Variants in SGCZ observed in about 807,000 individuals in gnomAD.
SGCZ encodes the protein zeta-sarcoglycan.
Under a neutral mutation model 41.3 loss-of-function variants are expected in SGCZ, and 40 were observed. That is an observed-to-expected ratio of 0.97 (90% confidence interval 0.75 to 1.26). The LOEUF (loss-of-function observed/expected upper bound fraction) is 1.26. Among genes scored for constraint, SGCZ ranks in the 50% most tolerant of loss-of-function variants. SGCZ has a pLI of 0.00. For missense variants in SGCZ, 552 were observed against 369.8 expected, an observed-to-expected ratio of 1.49 and a Z score of -4.04; for synonymous variants, 206 against 137.5, an observed-to-expected ratio of 1.50 and a Z score of -3.49.
chr8:14,343,200 C>A (rs992275785), intron 2 of SGCZ, among the ~76,000 whole-genome samples: 1 of 152,222 alleles, frequency 6.6e-6, no homozygotes, highest in African/African-American at 2.4e-5. Flanking sequence ...GCAGGGCCCT[C>A]ATGGAGAACC....
chr8:14,309,048 C>T lies in SGCZ; in HGVS notation c.336+15055G>A, dbSNP rs1002932106. The stretch of plus-strand genomic sequence containing the variant: ...AAAATGAAACCGGAAGCCTCCCCTA[C>T]TCTTAATTCCCCAACTACAGAAGAG... On this transcript the variant is annotated intron_variant, in intron 3 of 7. Coordinates refer to ENST00000382080, the MANE Select transcript of SGCZ (RefSeq NM_139167.4). 2.8e-5 allele frequency: 38 copies of T among 1,347,908 alleles called. No homozygotes were observed. The Middle Eastern group carries it at 8.1e-4, about 29-fold the overall frequency. 83.5% of individuals were successfully genotyped at this position (1,347,908 alleles called of 1,614,324 possible).
At chr8:15,010,849 C>T (rs575212050) in intron 1 of SGCZ, among the ~76,000 whole-genome samples, 17 of 152,262 alleles carry the variant, frequency 1.1e-4, no homozygotes, top group East Asian at 3.9e-4. Context: ...CTAAGAAACA[C>T]GACGTGCCAA....
chr8:14,193,052 A>T (rs1377209045), intron 4 of SGCZ, among the ~76,000 whole-genome samples: 1 of 151,902 alleles, frequency 6.6e-6, no homozygotes, highest in Non-Finnish European at 1.5e-5. Flanking sequence ...TTTCCCAAAG[A>T]TGTGTCTATG....
intron 2 of SGCZ, among the ~76,000 whole-genome samples, chr8:14,494,127 A>G (rs1333593493): frequency 6.6e-6 from 1 of 152,162 alleles, no homozygotes; most frequent in Non-Finnish European, 1.5e-5. Flanking sequence ...TATCCTCCCA[A>G]CTCACTGTTT....
chr8:15,008,198 G>A (rs1380707168), intron 1 of SGCZ, among the ~76,000 whole-genome samples: 1 of 152,032 alleles, frequency 6.6e-6, no homozygotes, highest in Non-Finnish European at 1.5e-5. Context: ...CTGGAGGCAT[G>A]TCCTCTTGGA....
intron 2 of SGCZ, among the ~76,000 whole-genome samples, chr8:14,349,343 G>C (rs1004015904): frequency 4.0e-5 from 6 of 151,856 alleles, no homozygotes; most frequent in Non-Finnish European, 8.8e-5. Context: ...AGAAGACATG[G>C]GTAGTTCCCC....
At chr8:15,192,173 G>C (rs1348931526) in intron 1 of SGCZ, among the ~76,000 whole-genome samples, 1 of 151,968 alleles carries the variant, frequency 6.6e-6, no homozygotes, top group East Asian at 1.9e-4. Context: ...CTTTATTCAT[G>C]TAAAATTTTG....
intron 1 of SGCZ, among the ~76,000 whole-genome samples, chr8:14,815,695 A>C (rs1425126781): frequency 6.6e-6 from 1 of 152,204 alleles, no homozygotes; most frequent in Non-Finnish European, 1.5e-5. Flanking sequence ...TATTCCATTC[A>C]GCATGAGGAG....
At chr8:14,795,583 G>A (rs1048775185) in intron 1 of SGCZ, among the ~76,000 whole-genome samples, 2 of 152,066 alleles carry the variant, frequency 1.3e-5, no homozygotes, top group Non-Finnish European at 2.9e-5. Flanking sequence ...ACTAGCACAT[G>A]CCATCACATC....
In SGCZ at chr8:14,981,103, A is replaced by G. The variant is rs373011114; in HGVS notation, c.39+256482T>C. ...TTGCTCAGAAATCTCCTACCAACTC[A>G]TATTTGCTGTGGAATAGAGCACATT... is the stretch of plus-strand genomic sequence containing the variant. On this transcript the variant is annotated intron_variant, in intron 1 of 7. Coordinates refer to ENST00000382080, the MANE Select transcript of SGCZ (RefSeq NM_139167.4). Among the ~76,000 whole-genome samples, 20 of 152,182 alleles carry G rather than the reference A, an allele frequency of 1.3e-4. No individual in the cohort carries two copies. In the South Asian group the frequency reaches 4.1e-3, roughly 32 times the overall value.
chr8:14,149,570 C>T (rs1803631775), intron 5 of SGCZ, among the ~76,000 whole-genome samples: 1 of 148,460 alleles, frequency 6.7e-6, no homozygotes, highest in African/African-American at 2.5e-5. Flanking sequence ...TCGGAAGAAT[C>T]AATGTTGTTA....
intron 1 of SGCZ, among the ~76,000 whole-genome samples, chr8:14,970,626 T>A (rs575443247): frequency 2.4e-4 from 37 of 152,314 alleles, no homozygotes; most frequent in African/African-American, 8.4e-4. Context: ...TGTGTGCACC[T>A]ATTTCTTGAC....
At chr8:14,355,073 C>T (rs1368647096) in intron 2 of SGCZ, among the ~76,000 whole-genome samples, 2 of 151,920 alleles carry the variant, frequency 1.3e-5, no homozygotes, top group Admixed American at 6.6e-5. Flanking sequence ...TTTGCCCCAA[C>T]ACTATCCTTA....
intron 3 of SGCZ, among the ~76,000 whole-genome samples, chr8:14,259,035 G>A (rs886728500): frequency 9.9e-5 from 15 of 152,088 alleles, no homozygotes; most frequent in Non-Finnish European, 1.8e-4. Flanking sequence ...ATTCCAAAAC[G>A]TGCTAAAAGT....
At chr8:15,003,233 T>C (rs906667089) in intron 1 of SGCZ, among the ~76,000 whole-genome samples, 2 of 152,150 alleles carry the variant, frequency 1.3e-5, no homozygotes, top group African/African-American at 4.8e-5. Flanking sequence ...AGAGTTTATA[T>C]AGGGAGAAAC....
chr8:14,474,180 A>C (rs1359876363), intron 2 of SGCZ, among the ~76,000 whole-genome samples: 1 of 152,112 alleles, frequency 6.6e-6, no homozygotes, highest in African/African-American at 2.4e-5. Context: ...TAAACAAACC[A>C]TTTTTTGCAC....
At chr8:14,471,011 C>G (rs1461350849) in intron 2 of SGCZ, among the ~76,000 whole-genome samples, 1 of 152,104 alleles carries the variant, frequency 6.6e-6, no homozygotes, top group East Asian at 1.9e-4. Context: ...GGAGTGCCAT[C>G]AAGAAAACCT....
chr8:14,882,534 A>C (rs1804631510), intron 1 of SGCZ, among the ~76,000 whole-genome samples: 2 of 152,168 alleles, frequency 1.3e-5, no homozygotes, highest in Admixed American at 1.3e-4. Context: ...CTATGTAATA[A>C]AGATATTTTT....
At chr8:14,389,499 C>T (rs996980011) in intron 2 of SGCZ, among the ~76,000 whole-genome samples, 1 of 146,246 alleles carries the variant, frequency 6.8e-6, no homozygotes, top group Non-Finnish European at 1.5e-5. Flanking sequence ...AATAGGCTAA[C>T]AAAAGTCATG....
Sources: gnomAD v4.1 joint callset for allele counts (sites outside exome capture counted in the v4.1 genomes callset) on GRCh38, gnomAD v4.1.1 for gene constraint, MANE v1.5 for transcripts, NCBI Gene and HGNC (gene_info 2026-07-23, HGNC 2026-07-21) for gene names.